The following KANSL1L variants were observed in gnomAD, a reference collection of about 807,000 sequenced individuals.
KANSL1L encodes KAT8 regulatory NSL complex subunit 1 like.
Under a neutral mutation model 108.6 loss-of-function variants are expected in KANSL1L, and 25 were observed. The ratio of observed to expected loss-of-function variants is 0.23; its 90% CI spans 0.17 to 0.32. KANSL1L has a LOEUF of 0.32. Ranked by LOEUF, KANSL1L falls within the 10% of genes least tolerant of loss-of-function variation. The probability of loss-of-function intolerance (pLI) is 1.00; values close to 1 mark genes in which losing one functional copy is unlikely to be tolerated. For missense variants in KANSL1L, 1,137 were observed against 1,125.7 expected (o/e 1.01, Z -0.14); for synonymous variants, 405 against 395.1 (o/e 1.03, Z -0.30).
intron 6 of KANSL1L, among the ~76,000 whole-genome samples, chr2:210,067,266 A>G (rs1384850770): frequency 1.3e-5 from 2 of 152,158 alleles, no homozygotes; most frequent in Non-Finnish European, 2.9e-5. Context: ...CAATCATGTG[A>G]GCCAATTCCC....
At chr2:210,097,376 TG>T in intron 5 of KANSL1L, 1 of 779,410 alleles carries the variant, frequency 1.3e-6, no homozygotes, top group Non-Finnish European at 1.6e-6. Context: ...TAGTTCTCTA[TG>T]GTAATTAAAG....
chr2:210,150,147 T>C (rs570298474), intron 2 of KANSL1L, among the ~76,000 whole-genome samples: 1 of 152,270 alleles, frequency 6.6e-6, no homozygotes, highest in South Asian at 2.1e-4. Flanking sequence ...ATTTCTTAGA[T>C]ACATTATTTT....
At chr2:210,114,722 A>G (rs2094938326) in intron 3 of KANSL1L, among the ~76,000 whole-genome samples, 1 of 152,112 alleles carries the variant, frequency 6.6e-6, no homozygotes, top group African/African-American at 2.4e-5. Context: ...AAACTAATAT[A>G]TTTAAAATGA....
intron 6 of KANSL1L, among the ~76,000 whole-genome samples, chr2:210,057,721 T>C (rs2094368266): frequency 6.6e-6 from 1 of 152,176 alleles, no homozygotes; most frequent in South Asian, 2.1e-4. Flanking sequence ...CATTTATTAG[T>C]TCCCCAAATT....
chr2:210,057,294 C>T (rs142361634), intron 6 of KANSL1L, among the ~76,000 whole-genome samples: 2 of 152,096 alleles, frequency 1.3e-5, no homozygotes, highest in Non-Finnish European at 2.9e-5. Context: ...CCCAGCTACT[C>T]AAGAGGCTGA....
At chr2:210,045,128 TAGG>T (rs2094210285) in intron 6 of KANSL1L, among the ~76,000 whole-genome samples, 1 of 152,210 alleles carries the variant, frequency 6.6e-6, no homozygotes, top group African/African-American at 2.4e-5. Context: ...ATAATCCTGC[TAGG>T]AGTTTATCAA....
intron 1 of KANSL1L, among the ~76,000 whole-genome samples, chr2:210,156,852 C>T (rs2095336255): frequency 6.6e-6 from 1 of 151,810 alleles, no homozygotes; most frequent in African/African-American, 2.4e-5. Context: ...TAGATGTTTG[C>T]CTTTTTATGT....
intron 6 of KANSL1L, among the ~76,000 whole-genome samples, chr2:210,059,004 C>G (rs1187338257): frequency 6.6e-6 from 1 of 151,874 alleles, no homozygotes; most frequent in Non-Finnish European, 1.5e-5. Context: ...AGAAAAGAAC[C>G]TACATGAAAT....
intron 5 of KANSL1L, among the ~76,000 whole-genome samples, chr2:210,093,722 T>C (rs2094712132): frequency 6.6e-6 from 1 of 152,184 alleles, no homozygotes; most frequent in Admixed American, 6.5e-5. Context: ...TCCAGCAATT[T>C]CACTTCTAGA....
chr2:210,172,066 C>T (rs540832269), upstream of KANSL1L, among the ~76,000 whole-genome samples: 11 of 151,890 alleles, frequency 7.2e-5, 1 homozygote, highest in South Asian at 2.3e-3. Context: ...GGACCTAACT[C>T]CCCTCTGCAG....
At chr2:210,145,433 G>A (rs552119870) in intron 2 of KANSL1L, among the ~76,000 whole-genome samples, 12 of 152,306 alleles carry the variant, frequency 7.9e-5, no homozygotes, top group African/African-American at 2.9e-4. Context: ...GTAACAATGT[G>A]CAAGATGTGA....
intron 2 of KANSL1L, among the ~76,000 whole-genome samples, chr2:210,131,709 C>CT (rs749224357): frequency 0.014 from 1,936 of 139,318 alleles, 38 homozygotes; most frequent in African/African-American, 0.045. Context: ...AATAAATTTT[C>CT]TTTTTTTTTT....
chr2:210,077,300 G>A (rs950629033), intron 5 of KANSL1L, among the ~76,000 whole-genome samples: 1 of 152,096 alleles, frequency 6.6e-6, no homozygotes, highest in Non-Finnish European at 1.5e-5. Flanking sequence ...TAGCAAGAAT[G>A]CTTTAAGTCT....
intron 3 of KANSL1L, among the ~76,000 whole-genome samples, chr2:210,114,723 T>C (rs2094938353): frequency 6.6e-6 from 1 of 152,042 alleles, no homozygotes; most frequent in Admixed American, 6.6e-5. Flanking sequence ...AACTAATATA[T>C]TTAAAATGAT....
intron 3 of KANSL1L, among the ~76,000 whole-genome samples, chr2:210,107,538 T>A (rs183341819): frequency 0.018 from 2,634 of 143,424 alleles, 76 homozygotes; most frequent in African/African-American, 0.064. Flanking sequence ...ATATATATTT[T>A]TTTTTTTTGA....
intron 2 of KANSL1L, among the ~76,000 whole-genome samples, chr2:210,132,994 C>T (rs971876262): frequency 1.3e-5 from 2 of 152,062 alleles, no homozygotes; most frequent in Admixed American, 1.3e-4. Flanking sequence ...TAAGGTTTTT[C>T]AGGTTTTCTA....
chr2:210,168,928 A>G (rs1164847914), intron 1 of KANSL1L, among the ~76,000 whole-genome samples: 2 of 152,156 alleles, frequency 1.3e-5, no homozygotes, highest in African/African-American at 2.4e-5. Context: ...AACATGAAAT[A>G]TATTTCTTTC....
intron 3 of KANSL1L, among the ~76,000 whole-genome samples, chr2:210,120,577 T>C (rs560595448): frequency 2.4e-4 from 36 of 152,174 alleles, no homozygotes; most frequent in Admixed American, 2.1e-3. Context: ...ATCCAGGACA[T>C]AGGCACAGGC....
chr2:210,165,790 A>G (rs1203972041), intron 1 of KANSL1L, among the ~76,000 whole-genome samples: 2 of 152,236 alleles, frequency 1.3e-5, no homozygotes, highest in African/African-American at 4.8e-5. Flanking sequence ...AAATTGTGTA[A>G]CAGTAGTCTC....
Sources: allele counts gnomAD v4.1 joint callset (sites outside exome capture counted in the v4.1 genomes callset), GRCh38; gene constraint gnomAD v4.1.1; transcripts MANE v1.5; gene names NCBI Gene and HGNC (gene_info 2026-07-23, HGNC 2026-07-21).